The following ADCY9 variants were observed in gnomAD, a reference collection of about 807,000 sequenced individuals.
The protein encoded by ADCY9 is adenylate cyclase type 9.
A neutral mutation model predicts 101.5 loss-of-function variants in ADCY9; 50 were observed. The ratio of observed to expected loss-of-function variants is 0.49; its 90% confidence interval spans 0.39 to 0.62. The LOEUF is 0.62. Among genes scored for constraint, ADCY9 ranks in the 20% least tolerant of loss-of-function variants. ADCY9 has a pLI of 0.00. For synonymous variants in ADCY9, 905 were observed against 769.3 expected (o/e 1.18, Z -2.92); for missense variants, 1,662 against 1,800.4 (o/e 0.92, Z 1.39).
At position 3,966,390 on chromosome 16, in the gene ADCY9, C is replaced by G; in HGVS notation, c.3447G>C (p.Val1149=). The G allele has an allele frequency of 6.2e-7, 1 of 1,614,128 alleles. No individual in the cohort carries two copies. Among genetic ancestry groups the G allele is most frequent in the Non-Finnish European group, 8.5e-7 (1 of 1,180,044 alleles). ...FEFAKEMMRV[V]DDFNNNMLWF... ...ACAGCATGTTGTTGTTGAAGTCGTC[C>G]ACCACGCGCATCATCTCCTTGGCGA... The change falls in exon 11 of 11, where the codon GTG becomes GTC. Residue 1149 remains valine (V), a synonymous_variant. Coordinates refer to ENST00000294016, the MANE Select transcript of ADCY9 (RefSeq NM_001116.4).
intron 2 of ADCY9, among the ~76,000 whole-genome samples, chr16:4,025,480 A>C (rs1292923219): frequency 6.6e-6 from 1 of 152,070 alleles, no homozygotes; most frequent in Non-Finnish European, 1.5e-5. Flanking sequence ...AAAGACTGTC[A>C]GTGACCACAC....
At chr16:3,986,336 C>T (rs917567078) in intron 6 of ADCY9, among the ~76,000 whole-genome samples, 16 of 152,232 alleles carry the variant, frequency 1.1e-4, no homozygotes, top group African/African-American at 3.9e-4. Context: ...TTCCTCCCCA[C>T]CGGGACCCTG....
intron 2 of ADCY9, among the ~76,000 whole-genome samples, chr16:4,083,549 T>C (rs2056918641): frequency 6.6e-6 from 1 of 152,212 alleles, no homozygotes; most frequent in African/African-American, 2.4e-5. Context: ...CAGGAAAACG[T>C]GTCTGCCAAC....
intron 2 of ADCY9, among the ~76,000 whole-genome samples, chr16:4,040,458 A>ATTT (rs35756805): frequency 2.8e-5 from 4 of 144,304 alleles, no homozygotes; most frequent in South Asian, 2.2e-4. Context: ...CATCTTCTTA[A>ATTT]TTTTTTTTTT....
At chr16:4,019,490 G>A (rs2056460597) in intron 2 of ADCY9, among the ~76,000 whole-genome samples, 1 of 152,224 alleles carries the variant, frequency 6.6e-6, no homozygotes, top group South Asian at 2.1e-4. Flanking sequence ...GCAGTGAGTA[G>A]TGAGTGCCCA....
chr16:3,990,193 G>A (rs970046506), intron 5 of ADCY9, among the ~76,000 whole-genome samples: 2 of 152,050 alleles, frequency 1.3e-5, no homozygotes, highest in African/African-American at 2.4e-5. Context: ...GGCTGGGCGC[G>A]GTGGCTCATC....
intron 2 of ADCY9, among the ~76,000 whole-genome samples, chr16:4,071,276 G>C (rs2056831914): frequency 7.4e-6 from 1 of 135,480 alleles, no homozygotes; most frequent in South Asian, 2.4e-4. Context: ...GTTGCAGTGA[G>C]CAGAGATGGT....
downstream of ADCY9, among the ~76,000 whole-genome samples, chr16:3,958,706 C>G (rs886835538): frequency 9.2e-6 from 1 of 108,708 alleles, no homozygotes; most frequent in Non-Finnish European, 1.7e-5. Context: ...GAATCTTGCT[C>G]TGTCGCCCAG....
chr16:3,968,227 G>C (rs567536414), intron 10 of ADCY9, among the ~76,000 whole-genome samples: 6 of 150,976 alleles, frequency 4.0e-5, no homozygotes, highest in African/African-American at 1.2e-4. Flanking sequence ...CCGCCTCCCG[G>C]GTTCAAGTGA....
chr16:4,103,942 G>C (rs1221777381), intron 2 of ADCY9, among the ~76,000 whole-genome samples: 1 of 152,202 alleles, frequency 6.6e-6, no homozygotes, highest in African/African-American at 2.4e-5. Context: ...GTGATGAAAT[G>C]AGAAGCACGC....
intron 2 of ADCY9, among the ~76,000 whole-genome samples, chr16:4,042,838 G>A (rs1465131932): frequency 1.3e-5 from 2 of 152,196 alleles, no homozygotes; most frequent in South Asian, 2.1e-4. Flanking sequence ...CCGTTTGGAC[G>A]ATTCCGGTTT....
At chr16:4,023,730 T>C (rs1377613390) in intron 2 of ADCY9, among the ~76,000 whole-genome samples, 7 of 152,126 alleles carry the variant, frequency 4.6e-5, no homozygotes, top group Non-Finnish European at 1.0e-4. Flanking sequence ...CTGGCTAGCA[T>C]GATGAAACCC....
intron 2 of ADCY9, among the ~76,000 whole-genome samples, chr16:4,066,436 G>T (rs1385972484): frequency 6.6e-6 from 1 of 152,098 alleles, no homozygotes; most frequent in African/African-American, 2.4e-5. Flanking sequence ...GCCCAGGCTG[G>T]AGTGCAGGGG....
intron 3 of ADCY9, among the ~76,000 whole-genome samples, chr16:3,998,402 C>T (rs998485941): frequency 2.0e-5 from 3 of 151,824 alleles, no homozygotes; most frequent in South Asian, 2.1e-4. Flanking sequence ...TAGAGCAAGA[C>T]CTTGTCTCTT....
At chr16:4,103,105 A>G (rs2057054295) in intron 2 of ADCY9, among the ~76,000 whole-genome samples, 3 of 152,262 alleles carry the variant, frequency 2.0e-5, no homozygotes, top group Admixed American at 1.3e-4. Context: ...ATTTTGTAAG[A>G]AAAGGTCAAT....
At position 4,112,308 on chromosome 16, in the gene ADCY9, G is replaced by C. The variant is rs189359979; in HGVS notation, c.1693+1442C>G. 1.5e-3 allele frequency among the ~76,000 whole-genome samples: 226 copies of C among 152,316 alleles called. 2 individuals are homozygous for C. Among genetic ancestry groups the C allele is most frequent in the African/African-American group, 5.3e-3 (220 of 41,566 alleles). ...TTAACATAGTCCTTAAAGTGCTCTA[G>C]GTTAGGGGAATTCTCGGGTGAAAAT... On this transcript the variant is annotated intron_variant, in intron 2 of 10. Coordinates refer to ENST00000294016, the MANE Select transcript of ADCY9 (RefSeq NM_001116.4).
chr16:3,975,098 G>A (rs1157812591), intron 9 of ADCY9, among the ~76,000 whole-genome samples: 2 of 152,180 alleles, frequency 1.3e-5, no homozygotes, highest in East Asian at 3.8e-4. Flanking sequence ...CCCCATCACT[G>A]TGGCTCTCCA....
At chr16:4,074,267 T>G (rs2056852605) in intron 2 of ADCY9, among the ~76,000 whole-genome samples, 1 of 152,062 alleles carries the variant, frequency 6.6e-6, no homozygotes, top group Non-Finnish European at 1.5e-5. Flanking sequence ...TACGAGGTTC[T>G]TATATAATAA....
At chr16:4,003,570 T>C (rs867477659) in intron 3 of ADCY9, among the ~76,000 whole-genome samples, 2,866 of 149,434 alleles carry the variant, frequency 0.019, 44 homozygotes, top group Non-Finnish European at 0.031. Context: ...TTTCTTTTTT[T>C]TTTTTTTTTT....
Sources: gnomAD v4.1 joint callset for allele counts (sites outside exome capture counted in the v4.1 genomes callset) on GRCh38, gnomAD v4.1.1 for gene constraint, MANE v1.5 for transcripts, NCBI Gene and HGNC (gene_info 2026-07-23, HGNC 2026-07-21) for gene names.